The following UBXN10 variants were observed in gnomAD, a reference collection of about 807,000 sequenced individuals.
UBXN10 encodes UBX domain protein 10, also known as UBX domain-containing protein 10.
A neutral mutation model predicts 6.9 loss-of-function variants in UBXN10; 6 were observed. The ratio of observed to expected loss-of-function variants is 0.87; its 90% CI spans 0.48 to 1.72. The LOEUF is 1.72. UBXN10 is among the 40% of genes most tolerant of loss of function. The probability of loss-of-function intolerance (pLI) is 0.01; values close to 1 mark genes in which losing one functional copy is unlikely to be tolerated. For missense variants in UBXN10, 317 were observed against 348.4 expected (o/e 0.91, Z 0.72); for synonymous variants, 131 against 135.2 (o/e 0.97, Z 0.21).
At position 20,191,547 on chromosome 1, in the gene UBXN10, C is replaced by G; in HGVS notation, c.*143C>G. 7.7e-7 allele frequency: 1 copy of G among 1,301,422 alleles called. No homozygotes were observed. The highest frequency in any genetic ancestry group is 2.6e-5 in the Admixed American group (1 of 38,144). 80.6% of individuals were successfully genotyped at this position (1,301,422 alleles called of 1,614,324 possible). A position where few individuals can be genotyped will look rare whatever the true frequency, so the allele number is the denominator to read the frequency against. On this transcript the variant is annotated 3_prime_UTR_variant, in exon 2 of 2. Transcript: ENST00000375099. The surrounding 1 kb of genome is among the most constrained non-coding windows in gnomAD (Gnocchi z 4.5). ...TGGGACTCTCGTCTGCACTGCGTGT[C>G]CTCTGAAGCAGTGAAGTCTGTGCCT...
chr1:20,194,281 T>G lies in UBXN10; in HGVS notation c.*2877T>G, dbSNP rs1014835304. ...ATATTCCCTCATAAAGTCCAATAGG[T>G]AAATTAGTCTTGGCAGCAGAAGGAA... is the stretch of plus-strand genomic sequence containing the variant. On this transcript the variant is annotated 3_prime_UTR_variant, in exon 2 of 2. Transcript: ENST00000375099. 1 of 167,028 alleles carries G rather than the reference T, an allele frequency of 6.0e-6. No homozygotes were observed. Among genetic ancestry groups the G allele is most frequent in the African/African-American group, 2.4e-5 (1 of 41,442 alleles). The allele number at this position is 167,028 out of a possible 1,614,324, so 10.3% of individuals were successfully genotyped here.
chr1:20,189,273 T>C (rs1326735470), intron 1 of UBXN10, among the ~76,000 whole-genome samples: 1 of 151,874 alleles, frequency 6.6e-6, no homozygotes, highest in Non-Finnish European at 1.5e-5. Context: ...AGGTCAGCTT[T>C]CAAGCAGAGA....
At position 20,190,958 on chromosome 1, in the gene UBXN10, G is replaced by C; in HGVS notation, c.397G>C (p.Val133Leu). Residue 133 changes from valine to leucine, a missense_variant, in exon 2 of 2, where the codon GTT becomes CTT. Coordinates refer to ENST00000375099, the MANE Select transcript of UBXN10 (RefSeq NM_152376.5). ...KNLEEEAVET[V>L]AKKASSLQLS... ...CCTGGAGGAGGAGGCTGTGGAAACCGTTGCCAAAAAGGCCAGCTCACTGCA... is the reference window on the plus strand; with the variant it reads ...CCTGGAGGAGGAGGCTGTGGAAACCCTTGCCAAAAAGGCCAGCTCACTGCA... 6.2e-7 allele frequency: 1 copy of C among 1,614,118 alleles called. No individual in the cohort carries two copies. The highest frequency in any genetic ancestry group is 1.3e-5 in the African/African-American group (1 of 75,022).
rs566277557 is a variant in UBXN10 at position 20,192,500 on chromosome 1, G to A, written c.*1096G>A. The A allele has an allele frequency of 2.1e-3, 353 of 167,222 alleles. 2 individuals carry two copies. Among genetic ancestry groups the A allele is most frequent in the Middle Eastern group, 3.4e-3 (1 of 296 alleles). 10.4% of individuals were successfully genotyped at this position (167,222 alleles called of 1,614,324 possible). On this transcript the variant is annotated 3_prime_UTR_variant, in exon 2 of 2. Transcript: ENST00000375099. The stretch of plus-strand genomic sequence containing the variant: ...AGTACATCAGCCTGTCTTAGCCTGA[G>A]CTGCTTTGAAGACCATGGGGTCTTG...
intron 1 of UBXN10, among the ~76,000 whole-genome samples, chr1:20,189,734 G>A (rs1005266092): frequency 4.0e-5 from 6 of 148,988 alleles, no homozygotes; most frequent in Admixed American, 1.3e-4. Context: ...TCTCAAAAAA[G>A]AAAAAGAAAA....
upstream of UBXN10, chr1:20,184,222 C>CACAG (rs2018326305): frequency 6.6e-6 from 1 of 152,442 alleles, no homozygotes; most frequent in Non-Finnish European, 1.5e-5. Flanking sequence ...CACACACACA[C>CACAG]ACACACGGTG....
In UBXN10 at chr1:20,190,887, C is replaced by G. The variant is rs1305395803; in HGVS notation, c.326C>G (p.Ser109Cys). ...LQQQVPTGASSSLNKYPVLPS... is the reference protein window; with the variant it reads ...LQQQVPTGASCSLNKYPVLPS... ...CAGCAAGTACCCACTGGGGCTTCCT[C>G]TTCTCTCAATAAGTATCCAGTCCTT... The change falls in exon 2 of 2, where the codon TCT becomes TGT. Residue 109 changes from serine (S) to cysteine (C), a missense_variant. Coordinates refer to ENST00000375099, the MANE Select transcript of UBXN10 (RefSeq NM_152376.5). The G allele has an allele frequency of 6.2e-7, 1 of 1,613,970 alleles. No homozygotes were observed. Among genetic ancestry groups the G allele is most frequent in the African/African-American group, 1.3e-5 (1 of 74,898 alleles).
Position 20,195,801 on chromosome 1 carries a change from ATAAGT to A in UBXN10, c.*4401_*4405del, listed in dbSNP as rs1557796699. Reference sequence around the variant, plus strand: ...TCACTGTTTCACTTAATGTTGAGATATAAGTTAAAAGTATCATCTACCTCTAGGGG... The same window carrying A: ...TCACTGTTTCACTTAATGTTGAGATATAAAAGTATCATCTACCTCTAGGGG... On this transcript the variant is annotated 3_prime_UTR_variant, in exon 2 of 2. Coordinates refer to ENST00000375099, the MANE Select transcript of UBXN10 (RefSeq NM_152376.5). 1.2e-5 allele frequency: 2 copies of A among 167,088 alleles called. No homozygotes were observed. Among genetic ancestry groups the A allele is most frequent in the Admixed American group, 6.5e-5 (1 of 15,292 alleles). The allele number at this position is 167,088 out of a possible 1,614,324, so 10.4% of individuals were successfully genotyped here.
At chr1:20,185,383 T>C (rs2018352845), upstream of UBXN10, among the ~76,000 whole-genome samples, 1 of 151,778 alleles carries the variant, frequency 6.6e-6, no homozygotes, top group Admixed American at 6.6e-5. Flanking sequence ...GCCGAGGTAA[T>C]GGGCCAGGAT....
chr1:20,190,868 G>A lies in UBXN10; in HGVS notation c.307G>A (p.Val103Ile), dbSNP rs745868022. ...TGAGATCCCTGAGCTGCAGCAGCAA[G>A]TACCCACTGGGGCTTCCTCTTCTCT... ...SDEIPELQQQ[V>I]PTGASSSLNK... Residue 103 changes from valine (V) to isoleucine (I), a missense_variant, in exon 2 of 2, where the codon GTA (valine) becomes ATA (isoleucine). By Grantham distance (29) the Val-to-Ile change is conservative. Transcript: ENST00000375099. 8 of 1,613,978 alleles carry A rather than the reference G, an allele frequency of 5.0e-6. No individual in the cohort carries two copies. In the Admixed American group the frequency reaches 8.3e-5, roughly 17 times the overall value.
rs748002471 is a variant in UBXN10, at chr1:20,190,639, T to C, written c.78T>C (p.Ile26=). 63 of 1,614,020 alleles carry C rather than the reference T, an allele frequency of 3.9e-5. No individual in the cohort carries two copies. The highest frequency in any genetic ancestry group is 1.3e-5 in the African/African-American group (1 of 74,894). The part of the protein sequence containing the change: ...TVVSTAVDSL[I]WQPNSLNMHM... ...TCAGCACAGCAGTTGACAGCCTCAT[T>C]TGGCAGCCAAACTCACTAAATATGC... Residue 26 remains isoleucine (I), a synonymous_variant, in exon 2 of 2, where the codon ATT becomes ATC. Coordinates refer to ENST00000375099, the MANE Select transcript of UBXN10 (RefSeq NM_152376.5).
rs558249630 is a variant in UBXN10, at chr1:20,188,066, G to C, written c.-16+1913G>C. ...TGTGGAGCTTATCTTTGGCAGAACA[G>C]TTGGACAGTTATGACCTTCTCCTGC... On this transcript the variant is annotated intron_variant, in intron 1 of 1. Transcript: ENST00000375099. Among the ~76,000 whole-genome samples the C allele has an allele frequency of 2.6e-5, 4 of 152,334 alleles. No individual in the cohort carries two copies. The East Asian group carries it at 7.7e-4, about 29-fold the overall frequency.
At position 20,190,936 on chromosome 1, in the gene UBXN10, G is replaced by A. The variant is rs1293759359; in HGVS notation, c.375G>A (p.Leu125=). Residue 125 remains leucine, a synonymous_variant, in exon 2 of 2, where the codon CTG becomes CTA. Transcript: ENST00000375099. The part of the protein sequence containing the change: ...PVLPSINRKN[L]EEEAVETVAK... ...TTCCTTCCATCAACAGAAAGAACCT[G>A]GAGGAGGAGGCTGTGGAAACCGTTG... 6.2e-7 allele frequency: 1 copy of A among 1,614,160 alleles called. No homozygotes were observed.
upstream of UBXN10, among the ~76,000 whole-genome samples, chr1:20,183,505 G>A (rs948123978): frequency 6.6e-6 from 1 of 152,208 alleles, no homozygotes; most frequent in Non-Finnish European, 1.5e-5. Flanking sequence ...AGGCTCCACT[G>A]TTTTCTAAAG....
chr1:20,193,296 A>C lies in UBXN10; in HGVS notation c.*1892A>C, dbSNP rs2018541889. The stretch of plus-strand genomic sequence containing the variant: ...GAAAGCTTTAGAAAACTTGAGTGAA[A>C]TGGAGCAAGCTTGAAGGAGTTAGAA... On this transcript the variant is annotated 3_prime_UTR_variant, in exon 2 of 2. Coordinates refer to ENST00000375099, the MANE Select transcript of UBXN10 (RefSeq NM_152376.5). 1 of 167,128 alleles carries C rather than the reference A, an allele frequency of 6.0e-6. No individual in the cohort carries two copies. Among genetic ancestry groups the C allele is most frequent in the Admixed American group, 6.5e-5 (1 of 15,286 alleles). The allele number at this position is 167,128 out of a possible 1,614,324, so 10.4% of individuals were successfully genotyped here. A position where few individuals can be genotyped will look rare whatever the true frequency, so the allele number is the denominator to read the frequency against.
At position 20,187,583 on chromosome 1, in the gene UBXN10, G is replaced by A. The variant is rs776640463; in HGVS notation, c.-16+1430G>A. ...CAGATGGTCCCTGTGCTCGGGAGGA[G>A]GCAGTGGGTTATGAAAGCAGGTTGG... On this transcript the variant is annotated intron_variant, in intron 1 of 1. Transcript: ENST00000375099. The surrounding 1 kb of genome is among the most constrained non-coding windows in gnomAD (Gnocchi z 4.6). Among the ~76,000 whole-genome samples, 1 of 152,194 alleles carries A rather than the reference G, an allele frequency of 6.6e-6. No individual in the cohort carries two copies. The highest frequency in any genetic ancestry group is 2.4e-5 in the African/African-American group (1 of 41,438).
upstream of UBXN10, among the ~76,000 whole-genome samples, chr1:20,184,084 C>A (rs1230727535): frequency 6.6e-6 from 1 of 152,246 alleles, no homozygotes; most frequent in African/African-American, 2.4e-5. Context: ...GGGCATTACA[C>A]AACACTGGAG....
intron 1 of UBXN10, among the ~76,000 whole-genome samples, chr1:20,189,233 CAGA>C (rs1384789249): frequency 6.6e-6 from 1 of 151,846 alleles, no homozygotes; most frequent in Non-Finnish European, 1.5e-5. Context: ...GGAAAGTCAC[CAGA>C]AGGTCTTTAG....
intron 1 of UBXN10, among the ~76,000 whole-genome samples, chr1:20,188,101 T>G (rs1022396054): frequency 1.3e-5 from 2 of 152,038 alleles, no homozygotes; most frequent in Non-Finnish European, 2.9e-5. Context: ...CCATCCTGAG[T>G]GAAAGTGCAG....
Sources: allele counts gnomAD v4.1 joint callset (sites outside exome capture counted in the v4.1 genomes callset), GRCh38; gene constraint gnomAD v4.1.1; non-coding constraint Gnocchi (gnomAD v3.1); transcripts MANE v1.5; gene names NCBI Gene and HGNC (gene_info 2026-07-23, HGNC 2026-07-21).